MARK1: variants seen among roughly 807,000 people sequenced by gnomAD.
MARK1 encodes microtubule affinity regulating kinase 1.
In MARK1, 40 loss-of-function variants were observed where a neutral mutation model predicts 96.3. The ratio of observed to expected loss-of-function variants is 0.42; its 90% CI spans 0.32 to 0.54. MARK1 has a LOEUF of 0.54. MARK1 is among the 20% of genes least tolerant of loss of function. The pLI, the probability that MARK1 is intolerant of heterozygous loss-of-function variation, is 0.16. For missense variants in MARK1, 719 were observed against 984.6 expected (o/e 0.73, Z 3.61); for synonymous variants, 317 against 341.2 (o/e 0.93, Z 0.78).
At chr1:220,634,715 A>G (rs1376987107) in intron 11 of MARK1, among the ~76,000 whole-genome samples, 1 of 152,212 alleles carries the variant, frequency 6.6e-6, no homozygotes. Context: ...GATTCCAACA[A>G]AAGTTTGCTG....
chr1:220,576,968 A>C (rs189203390), intron 1 of MARK1, among the ~76,000 whole-genome samples: 2 of 152,240 alleles, frequency 1.3e-5, no homozygotes, highest in Non-Finnish European at 2.9e-5. Context: ...TAAATCTTGA[A>C]AGATGAATGG....
chr1:220,560,588 G>A (rs11118573), intron 1 of MARK1, among the ~76,000 whole-genome samples: 88,003 of 151,900 alleles, frequency 0.58, 26,921 homozygotes, highest in Non-Finnish European at 0.68. Flanking sequence ...CAGCCTATCT[G>A]ATAAGTGAGA....
chr1:220,607,925 G>A (rs868362341), intron 6 of MARK1, among the ~76,000 whole-genome samples: 1 of 152,246 alleles, frequency 6.6e-6, no homozygotes, highest in Middle Eastern at 3.4e-3. Context: ...TGGTGGATAA[G>A]CCTTTTGATG....
At chr1:220,602,828 C>T (rs1665833238) in intron 5 of MARK1, among the ~76,000 whole-genome samples, 1 of 151,842 alleles carries the variant, frequency 6.6e-6, no homozygotes, top group Admixed American at 6.6e-5. Flanking sequence ...TATTTATATC[C>T]TAGGATTGAT....
At position 220,650,655 on chromosome 1, in the gene MARK1, G is replaced by A. The variant is rs201183382; in HGVS notation, c.1506G>A (p.Arg502=). 5 of 1,613,004 alleles carry A rather than the reference G, an allele frequency of 3.1e-6. No homozygotes were observed. The highest frequency in any genetic ancestry group is 1.7e-5 in the Admixed American group (1 of 59,940). ...ATTCTGGAGGTAGCATGGCAAGAAG[G>A]AATACATATGTCTGTGAAAGGACCA... ...NVYSGGSMAR[R]NTYVCERTTD... is the part of the protein sequence containing the mutation. Residue 502 remains arginine, a synonymous_variant, in exon 14 of 18, where the codon AGG becomes AGA. Coordinates refer to ENST00000366917, the MANE Select transcript of MARK1 (RefSeq NM_018650.5).
At chr1:220,656,903 G>C (rs929562056) in intron 16 of MARK1, among the ~76,000 whole-genome samples, 13 of 151,938 alleles carry the variant, frequency 8.6e-5, no homozygotes. Flanking sequence ...TTGGTATGTG[G>C]GTGTGTTTTA....
At chr1:220,546,385 T>G (rs1427821710) in intron 1 of MARK1, among the ~76,000 whole-genome samples, 2 of 152,170 alleles carry the variant, frequency 1.3e-5, no homozygotes, top group Non-Finnish European at 2.9e-5. Flanking sequence ...AAACAATCAC[T>G]TAGTATACTA....
At chr1:220,583,427 G>T (rs904296740) in intron 3 of MARK1, among the ~76,000 whole-genome samples, 1 of 152,036 alleles carries the variant, frequency 6.6e-6, no homozygotes, top group Non-Finnish European at 1.5e-5. Context: ...TTTGGTTTTT[G>T]GAATTGTTAA....
In MARK1 at chr1:220,542,242, A is replaced by G. The variant is rs564809831; in HGVS notation, c.51+13369A>G. ...TATGATTTCATCTTCATTTCCTTGA[A>G]CATTTAATATATAGTAATTTGCATC... On this transcript the variant is annotated intron_variant, in intron 1 of 17. Transcript: ENST00000366917. Among the ~76,000 whole-genome samples, 10 of 152,284 alleles carry G rather than the reference A, an allele frequency of 6.6e-5. No individual in the cohort carries two copies. In the South Asian group the frequency reaches 2.1e-3, roughly 32 times the overall value.
At chr1:220,645,567 G>A (rs1399882908) in intron 13 of MARK1, among the ~76,000 whole-genome samples, 1 of 152,172 alleles carries the variant, frequency 6.6e-6, no homozygotes, top group Non-Finnish European at 1.5e-5. Context: ...CATTCTGTGA[G>A]GCCAACATCA....
intron 6 of MARK1, among the ~76,000 whole-genome samples, chr1:220,614,441 A>G (rs1348174441): frequency 6.6e-6 from 1 of 152,134 alleles, no homozygotes; most frequent in African/African-American, 2.4e-5. Context: ...AGCATTTCCA[A>G]CTGAAATTAT....
At chr1:220,632,749 C>T (rs1488669596) in intron 11 of MARK1, among the ~76,000 whole-genome samples, 1 of 152,104 alleles carries the variant, frequency 6.6e-6, no homozygotes, top group Non-Finnish European at 1.5e-5. Context: ...TGATATTTTG[C>T]CTTATAAAGT....
intron 3 of MARK1, among the ~76,000 whole-genome samples, chr1:220,581,553 G>A (rs1664244015): frequency 6.6e-6 from 1 of 152,124 alleles, no homozygotes; most frequent in African/African-American, 2.4e-5. Flanking sequence ...TTAAACTTTT[G>A]TGAGTTTTCA....
intron 1 of MARK1, among the ~76,000 whole-genome samples, chr1:220,549,202 C>T (rs992143467): frequency 6.6e-6 from 1 of 152,174 alleles, no homozygotes; most frequent in African/African-American, 2.4e-5. Context: ...AATCCTAGCT[C>T]TAGCATTTAT....
At chr1:220,572,857 A>G (rs1663570157) in intron 1 of MARK1, among the ~76,000 whole-genome samples, 1 of 152,016 alleles carries the variant, frequency 6.6e-6, no homozygotes, top group African/African-American at 2.4e-5. Context: ...AAATTCTTTC[A>G]GTTTTTGTTA....
intron 14 of MARK1, 123 bp downstream of exon 14, chr1:220,650,843 C>A: frequency 1.6e-6 from 1 of 630,608 alleles, no homozygotes; most frequent in South Asian, 2.3e-5. Flanking sequence ...AGTAAGATTG[C>A]AACCAACCGT....
intron 13 of MARK1, among the ~76,000 whole-genome samples, chr1:220,647,210 A>G (rs537928377): frequency 2.0e-5 from 3 of 152,324 alleles, no homozygotes; most frequent in Admixed American, 2.0e-4. Context: ...ATTTACAAGA[A>G]AAAAAGAACC....
At chr1:220,577,607 G>A (rs1475484338) in intron 1 of MARK1, among the ~76,000 whole-genome samples, 1 of 152,200 alleles carries the variant, frequency 6.6e-6, no homozygotes, top group African/African-American at 2.4e-5. Context: ...TAAGACCAGA[G>A]AATTTGCATT....
chr1:220,636,782 A>G (rs928998214), intron 13 of MARK1, among the ~76,000 whole-genome samples: 1 of 152,076 alleles, frequency 6.6e-6, no homozygotes, highest in Non-Finnish European at 1.5e-5. Flanking sequence ...AAGATTCTGT[A>G]GTCCCAGCTA....
Sources: gnomAD v4.1 joint callset for allele counts (sites outside exome capture counted in the v4.1 genomes callset) on GRCh38, gnomAD v4.1.1 for gene constraint, MANE v1.5 for transcripts, NCBI Gene and HGNC (gene_info 2026-07-23, HGNC 2026-07-21) for gene names.